Variants in IGFN1 observed in about 807,000 individuals in gnomAD.
The protein encoded by IGFN1 is immunoglobulin like and fibronectin type III domain containing 1.
In IGFN1, 253 loss-of-function variants were observed where a neutral mutation model predicts 289.5. The observed-to-expected ratio is 0.87, with a 90% CI of 0.79 to 0.97. The LOEUF is 0.97. Ranked by LOEUF, IGFN1 falls within the 50% of genes least tolerant of loss-of-function variation. The probability of loss-of-function intolerance (pLI) is 0.00; values close to 1 mark genes in which losing one functional copy is unlikely to be tolerated. For synonymous variants in IGFN1, 1,706 were observed against 1,788.5 expected (o/e 0.95, Z 1.16); for missense variants, 4,470 against 4,686.1 (o/e 0.95, Z 1.35).
At chr1:201,216,138 C>A in intron 15 of IGFN1, 1 of 642,898 alleles carries the variant, frequency 1.6e-6, no homozygotes. Context: ...TGAGTGGTGC[C>A]AGCAAGGTAG....
Position 201,222,711 on chromosome 1 carries a change from A to G in IGFN1, c.10202-28A>G, listed in dbSNP as rs754420944. On this transcript the variant is annotated intron_variant, in intron 19 of 23. Transcript: ENST00000335211. ...GGGGTCCAACTGTGAGGGAGGAGGG[A>G]GGTAACCAGTCCTCTTGTGCGTTTC... The G allele has an allele frequency of 1.7e-5, 26 of 1,560,432 alleles. No homozygotes were observed. The South Asian group carries it at 2.6e-4, about 16-fold the overall frequency.
At chr1:201,219,130 C>T (rs1653541835) in intron 18 of IGFN1, among the ~76,000 whole-genome samples, 1 of 152,324 alleles carries the variant, frequency 6.6e-6, no homozygotes, top group East Asian at 1.9e-4. Flanking sequence ...GCAGGCCAGC[C>T]CCCAAGCTGG....
rs184260291 is a variant in IGFN1, at chr1:201,206,126, A to G, written c.1233A>G (p.Lys411=). Residue 411 remains lysine (K), a synonymous_variant, in exon 12 of 24, where the codon AAA becomes AAG. Coordinates refer to ENST00000335211, the MANE Select transcript of IGFN1 (RefSeq NM_001164586.2). ...KDLQSTSADH[K]LQRQGAQASG... is the part of the protein sequence containing the mutation. ...TTCAGTCCACAAGTGCTGACCACAA[A>G]CTGCAGAGGCAAGGAGCCCAGGCAT... is the stretch of plus-strand genomic sequence containing the variant. 695 of 1,550,898 alleles carry G rather than the reference A, an allele frequency of 4.5e-4. 3 individuals are homozygous for G. The African/African-American group carries it at 9.1e-3, about 20-fold the overall frequency.
chr1:201,207,322 C>T lies in IGFN1; in HGVS notation c.2429C>T (p.Pro810Leu). 2 of 1,536,796 alleles carry T rather than the reference C, an allele frequency of 1.3e-6. No homozygotes were observed. Among genetic ancestry groups the T allele is most frequent in the Non-Finnish European group, 1.7e-6 (2 of 1,146,882 alleles). Residue 810 changes from proline (P) to leucine (L), a missense_variant, in exon 12 of 24, where the codon CCC (proline) becomes CTC (leucine). Transcript: ENST00000335211. Reference sequence around the variant, plus strand: ...GCCTCGGGTGAGGTAGAGTATGACCCCAGAAGCTTCCAGTCTTCCCAGGGC... The same window carrying T: ...GCCTCGGGTGAGGTAGAGTATGACCTCAGAAGCTTCCAGTCTTCCCAGGGC... Reference protein sequence around the residue: ...AWASGEVEYDPRSFQSSQGWT... With the variant: ...AWASGEVEYDLRSFQSSQGWT...
Position 201,207,723 on chromosome 1 carries a change from G to A in IGFN1, c.2830G>A (p.Gly944Ser). Reference sequence around the variant, plus strand: ...CAGAGGTGAGACAGGCTATAAGGATGGCTTGGAAGGTCCCGGGAGAATGGA... The same window carrying A: ...CAGAGGTGAGACAGGCTATAAGGATAGCTTGGAAGGTCCCGGGAGAATGGA... Reference protein sequence around the residue: ...GPRGETGYKDGLEGPGRMESR... With the variant: ...GPRGETGYKDSLEGPGRMESR... The change falls in exon 12 of 24, where the codon GGC becomes AGC. Residue 944 changes from glycine to serine, a missense_variant. Gly to Ser is a moderately conservative substitution (Grantham distance 56). Transcript: ENST00000335211. 6.5e-7 allele frequency: 1 copy of A among 1,537,088 alleles called. No homozygotes were observed. The highest frequency in any genetic ancestry group is 8.7e-7 in the Non-Finnish European group (1 of 1,146,870).
Position 201,225,929 on chromosome 1 carries a change from A to G in IGFN1, c.10592A>G (p.His3531Arg), listed in dbSNP as rs542708405. The change falls in exon 22 of 24, where the codon CAC becomes CGC. Residue 3531 changes from histidine to arginine, a missense_variant. This residue lies in a region of IGFN1 where 2,218 missense variants were observed against 2,114.1 expected (regional missense o/e 1.05). Coordinates refer to ENST00000335211, the MANE Select transcript of IGFN1 (RefSeq NM_001164586.2). ...SPDEAQDVPL[H>R]YAVFTRSSAH... ...GACGAGGCCCAGGATGTCCCGCTGCACTACGCGGTGTTCACACGCTCCTCA... is the reference window on the plus strand; with the variant it reads ...GACGAGGCCCAGGATGTCCCGCTGCGCTACGCGGTGTTCACACGCTCCTCA... 4.5e-5 allele frequency: 72 copies of G among 1,606,080 alleles called. 1 individual carries two copies. The Admixed American group carries it at 1.1e-3, about 25-fold the overall frequency.
Position 201,226,865 on chromosome 1 carries a change from C to A in IGFN1, c.10787-17C>A. ...TCGCTTTCTCACCCTCTTCTCTCAC[C>A]CCGGCTTTCACCACAGACAGGTTCA... On this transcript the variant is annotated splice_polypyrimidine_tract_variant and intron_variant, in intron 22 of 23. Coordinates refer to ENST00000335211, the MANE Select transcript of IGFN1 (RefSeq NM_001164586.2). 1.3e-6 allele frequency: 2 copies of A among 1,549,606 alleles called. No homozygotes were observed. The highest frequency in any genetic ancestry group is 1.4e-5 in the African/African-American group (1 of 73,300).
Position 201,197,374 on chromosome 1 carries a change from A to G in IGFN1, c.367+57A>G, listed in dbSNP as rs905407172. On this transcript the variant is annotated intron_variant, in intron 5 of 23. Coordinates refer to ENST00000335211, the MANE Select transcript of IGFN1 (RefSeq NM_001164586.2). ...GCACAGGGCAGAGACCCACAGAGGA[A>G]TCAGATGCCCCGTGGCTAGTGAGGG... The G allele has an allele frequency of 1.5e-4, 161 of 1,084,834 alleles. 1 individual carries two copies. The highest frequency in any genetic ancestry group is 2.0e-4 in the Non-Finnish European group (143 of 730,140). 67.2% of individuals were successfully genotyped at this position (1,084,834 alleles called of 1,614,324 possible). A position where few individuals can be genotyped will look rare whatever the true frequency, so the allele number is the denominator to read the frequency against.
intron 9 of IGFN1, 26 bp from the exon 10 acceptor site, chr1:201,203,712 G>C (rs754790888): frequency 6.5e-7 from 1 of 1,549,288 alleles, no homozygotes; most frequent in East Asian, 2.4e-5. Context: ...ACTGAGGCCC[G>C]CCTCCTCTTC....
chr1:201,216,520 G>C lies in IGFN1; in HGVS notation c.9362G>C (p.Arg3121Pro), dbSNP rs761437522. ...QDCHRAGVCL[R>P]WRPPRDNGGR... is the part of the protein sequence containing the mutation. ...TGCCATAGGGCTGGCGTCTGCCTCC[G>C]CTGGCGGCCCCCAAGGGACAATGGG... is the stretch of plus-strand genomic sequence containing the variant. Residue 3121 changes from arginine to proline, a missense_variant, in exon 16 of 24, where the codon CGC (arginine) becomes CCC (proline). Arg to Pro is a moderately radical substitution (Grantham distance 103). Around this residue, in one of 8 missense-constraint regions of IGFN1, gnomAD observed 2,218 missense variants for 2,114.1 expected, o/e 1.05. Transcript: ENST00000335211. 36 of 1,609,600 alleles carry C rather than the reference G, an allele frequency of 2.2e-5. No homozygotes were observed. The South Asian group carries it at 3.5e-4, about 16-fold the overall frequency.
chr1:201,210,659 T>A lies in IGFN1; in HGVS notation c.5766T>A (p.Asn1922Lys), dbSNP rs1485894500. The A allele has an allele frequency of 5.3e-6, 8 of 1,508,222 alleles. No individual in the cohort carries two copies. The highest frequency in any genetic ancestry group is 7.0e-6 in the Non-Finnish European group (8 of 1,136,456). The allele number at this position is 1,508,222 out of a possible 1,614,324, so 93.4% of individuals were successfully genotyped here. The change falls in exon 12 of 24, where the codon AAT (asparagine) becomes AAA (lysine). Residue 1922 changes from asparagine to lysine, a missense_variant. Around this residue, in one of 8 missense-constraint regions of IGFN1, gnomAD observed 108 missense variants for 128.7 expected, o/e 0.84. Coordinates refer to ENST00000335211, the MANE Select transcript of IGFN1 (RefSeq NM_001164586.2). ...LGSSVEMGSV[N>K]EAGYRKDLGA... ...GTTCTGTAGAAATGGGGTCAGTGAA[T>A]GAGGCAGGTTATAGGAAGGATTTGG... is the stretch of plus-strand genomic sequence containing the variant.
Position 201,208,474 on chromosome 1 carries a change from C to T in IGFN1, c.3581C>T (p.Pro1194Leu), listed in dbSNP as rs764905838. ...ACCAGGCACCCTGAGTCACTCGCAC[C>T]TCACAATGGGGCCGCTTCTGGGAGC... ...DDTRHPESLA[P>L]HNGAASGSQW... Residue 1194 changes from proline to leucine, a missense_variant, in exon 12 of 24, where the codon CCT (proline) becomes CTT (leucine). Around this residue, in one of 8 missense-constraint regions of IGFN1, gnomAD observed 2,011 missense variants for 1,953.4 expected, o/e 1.03. Transcript: ENST00000335211. 21 of 1,446,196 alleles carry T rather than the reference C, an allele frequency of 1.5e-5. No homozygotes were observed. The highest frequency in any genetic ancestry group is 2.5e-5 in the East Asian group (1 of 40,276). The allele number at this position is 1,446,196 out of a possible 1,614,324, so 89.6% of individuals were successfully genotyped here.
Position 201,206,619 on chromosome 1 carries a change from G to A in IGFN1, c.1726G>A (p.Glu576Lys). 2 of 1,542,840 alleles carry A rather than the reference G, an allele frequency of 1.3e-6. No individual in the cohort carries two copies. The highest frequency in any genetic ancestry group is 1.2e-5 in the South Asian group (1 of 84,064). Residue 576 changes from glutamate to lysine, a missense_variant, in exon 12 of 24, where the codon GAA (glutamate) becomes AAA (lysine). Physicochemically the swap from Glu to Lys is moderately conservative, Grantham distance 56. Transcript: ENST00000335211. Reference sequence around the variant, plus strand: ...GGCTGGAGGACTGGGGAGCAGCAGGGAAGGAAAGGAGCACAGAGGGGACAG... The same window carrying A: ...GGCTGGAGGACTGGGGAGCAGCAGGAAAGGAAAGGAGCACAGAGGGGACAG... Reference protein sequence around the residue: ...LQAGGLGSSREGKEHRGDSGR... With the variant: ...LQAGGLGSSRKGKEHRGDSGR...
rs1395702215 is a variant in IGFN1, at chr1:201,212,172, G to A, written c.7279G>A (p.Ala2427Thr). ...AGGACCTGGGGTGGAACCTGGGATG[G>A]CTGGAATGCCAGGCACTGCAGGTGG... ...GAGPGVEPGM[A>T]GMPGTAGGMA... Residue 2427 changes from alanine (A) to threonine (T), a missense_variant, in exon 12 of 24, where the codon GCT becomes ACT. Transcript: ENST00000335211. 6 of 1,535,924 alleles carry A rather than the reference G, an allele frequency of 3.9e-6. No individual in the cohort carries two copies. Among genetic ancestry groups the A allele is most frequent in the South Asian group, 3.6e-5 (3 of 83,978 alleles).
chr1:201,225,794 C>A, intron 21 of IGFN1, 30 bp from the exon 22 acceptor site: 1 of 1,582,642 alleles, frequency 6.3e-7, no homozygotes, highest in Non-Finnish European at 8.6e-7. Flanking sequence ...GTCCCCTCCA[C>A]GTGACCTCCC....
intron 3 of IGFN1, among the ~76,000 whole-genome samples, chr1:201,194,998 C>A (rs559917267): frequency 1.3e-5 from 2 of 152,198 alleles, no homozygotes; most frequent in South Asian, 2.1e-4. Flanking sequence ...AGTTCCCAGG[C>A]CTCCATGACA....
At position 201,222,934 on chromosome 1, in the gene IGFN1, C is replaced by G. The variant is rs993921879; in HGVS notation, c.10290+107C>G. ...TCCCTGTTCCTTTTTGGCCCCTAGT[C>G]AGTGCTTGTGGAAATCACTGACTGG... On this transcript the variant is annotated intron_variant, in intron 20 of 23. Coordinates refer to ENST00000335211, the MANE Select transcript of IGFN1 (RefSeq NM_001164586.2). 5 of 662,230 alleles carry G rather than the reference C, an allele frequency of 7.6e-6. No individual in the cohort carries two copies. In the African/African-American group the frequency reaches 9.1e-5, roughly 12 times the overall value. 41.0% of individuals were successfully genotyped at this position (662,230 alleles called of 1,614,324 possible). A position where few individuals can be genotyped will look rare whatever the true frequency, so the allele number is the denominator to read the frequency against.
Position 201,211,810 on chromosome 1 carries a change from G to T in IGFN1, c.6917G>T (p.Gly2306Val). The change falls in exon 12 of 24, where the codon GGT (glycine) becomes GTT (valine). Residue 2306 changes from glycine (G) to valine (V), a missense_variant. Gly to Val is a moderately radical substitution (Grantham distance 109). Coordinates refer to ENST00000335211, the MANE Select transcript of IGFN1 (RefSeq NM_001164586.2). ...TTAGGGAGCGAGGCAGGTTCTAGGG[G>T]TAGTTTGGAGGATTCTGGGTACATT... ...NPLGSEAGSR[G>V]SLEDSGYILS... is the part of the protein sequence containing the mutation. 1 of 1,536,714 alleles carries T rather than the reference G, an allele frequency of 6.5e-7. No homozygotes were observed. Among genetic ancestry groups the T allele is most frequent in the Admixed American group, 2.0e-5 (1 of 50,960 alleles).
chr1:201,211,805 T>C lies in IGFN1; in HGVS notation c.6912T>C (p.Ser2304=). 2 of 1,536,754 alleles carry C rather than the reference T, an allele frequency of 1.3e-6. No individual in the cohort carries two copies. Among genetic ancestry groups the C allele is most frequent in the East Asian group, 4.9e-5 (2 of 40,908 alleles). ...ATCCATTAGGGAGCGAGGCAGGTTCTAGGGGTAGTTTGGAGGATTCTGGGT... is the reference window on the plus strand; with the variant it reads ...ATCCATTAGGGAGCGAGGCAGGTTCCAGGGGTAGTTTGGAGGATTCTGGGT... ...GRNPLGSEAG[S]RGSLEDSGYI... is the part of the protein sequence containing the mutation. The change falls in exon 12 of 24, where the codon TCT becomes TCC. Residue 2304 remains serine (S), a synonymous_variant. Transcript: ENST00000335211.
Sources: allele counts gnomAD v4.1 joint callset (sites outside exome capture counted in the v4.1 genomes callset), GRCh38; gene constraint gnomAD v4.1.1; regional missense constraint gnomAD v4.1.1; transcripts MANE v1.5; gene names NCBI Gene and HGNC (gene_info 2026-07-23, HGNC 2026-07-21).